The following CHD7 variants were observed in gnomAD, a reference collection of about 807,000 sequenced individuals.
The protein encoded by CHD7 is chromodomain helicase DNA binding protein 7.
CHD7 carries 24 observed loss-of-function variants against 307.3 expected under a neutral mutation model. The ratio of observed to expected loss-of-function variants is 0.08; its 90% CI spans 0.06 to 0.11. The LOEUF (loss-of-function observed/expected upper bound fraction) is 0.11, where lower values mean the gene tolerates loss of function less well. CHD7 is among the 10% of genes least tolerant of loss of function. The pLI, the probability that CHD7 is intolerant of heterozygous loss-of-function variation, is 1.00. For missense variants in CHD7, 3,106 were observed against 3,727.1 expected, an observed-to-expected ratio of 0.83 and a Z score of 4.34; for synonymous variants, 1,363 against 1,349.9, an observed-to-expected ratio of 1.01 and a Z score of -0.21.
At chr8:60,817,039 T>A (rs1000679266) in intron 8 of CHD7, among the ~76,000 whole-genome samples, 4 of 152,194 alleles carry the variant, frequency 2.6e-5, no homozygotes, top group Admixed American at 1.3e-4. Context: ...AGTACAGCAA[T>A]ACCTAGGGCA....
intron 1 of CHD7, among the ~76,000 whole-genome samples, chr8:60,706,913 G>A (rs182802835): frequency 5.9e-5 from 9 of 152,062 alleles, no homozygotes; most frequent in South Asian, 2.1e-4. Flanking sequence ...TTGGTGTGCC[G>A]CACCCATTAA....
chr8:60,719,310 A>G (rs1807778640), intron 1 of CHD7, among the ~76,000 whole-genome samples: 1 of 152,236 alleles, frequency 6.6e-6, no homozygotes, highest in African/African-American at 2.4e-5. Flanking sequence ...ATATTTTGTA[A>G]AGTTCCAGAG....
intron 19 of CHD7, among the ~76,000 whole-genome samples, chr8:60,839,786 T>C (rs1326374747): frequency 1.3e-5 from 2 of 152,250 alleles, no homozygotes; most frequent in African/African-American, 4.8e-5. Context: ...TTGAGTTTCT[T>C]TTTATTAATG....
At chr8:60,855,057 C>G (rs962659247) in intron 32 of CHD7, 1 of 152,094 alleles carries the variant, frequency 6.6e-6, no homozygotes, top group African/African-American at 2.4e-5. Context: ...TATAATAATT[C>G]CCTGTGTAAT....
intron 2 of CHD7, among the ~76,000 whole-genome samples, chr8:60,771,680 T>TC (rs368924739): frequency 0.78 from 118,234 of 151,972 alleles, 46,273 homozygotes; most frequent in East Asian, 0.94. Flanking sequence ...TGGGGAGTCT[T>TC]GACTGGGGAG....
intron 2 of CHD7, among the ~76,000 whole-genome samples, chr8:60,777,384 G>A (rs139094792): frequency 4.5e-4 from 68 of 152,304 alleles, no homozygotes; most frequent in African/African-American, 1.6e-3. Context: ...AACAGGCTGA[G>A]GCTTCAGCAG....
chr8:60,724,178 C>G (rs2150549739), intron 1 of CHD7, among the ~76,000 whole-genome samples: 1 of 152,342 alleles, frequency 6.6e-6, no homozygotes, highest in Non-Finnish European at 1.5e-5. Context: ...CACAGCCTTC[C>G]TGTCCCTTTC....
Position 60,742,143 on chromosome 8 carries a change from C to A in CHD7, c.711C>A (p.His237Gln). The change falls in exon 2 of 38, where the codon CAC becomes CAA. Residue 237 changes from histidine to glutamine, a missense_variant. By Grantham distance (24) the His-to-Gln change is conservative. Transcript: ENST00000423902. The stretch of plus-strand genomic sequence containing the variant: ...CCTCAGGACCTGGCCACTTGTCCCA[C>A]GTGCCCCAGCAGAGTCCCAGCATGG... ...IATSGPGHLS[H>Q]VPQQSPSMAP... 6.2e-7 allele frequency: 1 copy of A among 1,613,938 alleles called. No individual in the cohort carries two copies. Among genetic ancestry groups the A allele is most frequent in the Non-Finnish European group, 8.5e-7 (1 of 1,179,856 alleles).
chr8:60,759,990 C>T (rs1347215179), intron 2 of CHD7, among the ~76,000 whole-genome samples: 2 of 152,088 alleles, frequency 1.3e-5, no homozygotes, highest in African/African-American at 4.8e-5. Context: ...AGCTGTGGCT[C>T]CCACTGAGTG....
intron 15 of CHD7, among the ~76,000 whole-genome samples, chr8:60,832,526 G>A (rs995185089): frequency 6.6e-6 from 1 of 152,184 alleles, no homozygotes; most frequent in Non-Finnish European, 1.5e-5. Context: ...GGACACGTGT[G>A]TGCATGCACT....
At chr8:60,690,508 G>A (rs1312332892) in intron 1 of CHD7, among the ~76,000 whole-genome samples, 2 of 152,174 alleles carry the variant, frequency 1.3e-5, no homozygotes, top group African/African-American at 4.8e-5. Context: ...CTGGGCTGGT[G>A]TATGAAGCAA....
At chr8:60,716,284 G>T (rs1445979220) in intron 1 of CHD7, among the ~76,000 whole-genome samples, 1 of 152,192 alleles carries the variant, frequency 6.6e-6, no homozygotes, top group Non-Finnish European at 1.5e-5. Context: ...ATCTCTCAGA[G>T]CCAGAGCTGG....
At position 60,865,872 on chromosome 8, in the gene CHD7, G is replaced by A. The variant is rs1392645019; in HGVS notation, c.8933G>A (p.Gly2978Asp). The A allele has an allele frequency of 6.2e-7, 1 of 1,612,076 alleles. No individual in the cohort carries two copies. The highest frequency in any genetic ancestry group is 1.3e-5 in the African/African-American group (1 of 75,040). ...CTCTTAGAAGACGAAATAGCACAGG[G>A]TGAAGAGCTAGACTCACTTGATGGG... ...SSLLEDEIAQ[G>D]EELDSLDGGD... The change falls in exon 38 of 38, where the codon GGT becomes GAT. Residue 2978 changes from glycine to aspartate, a missense_variant. Coordinates refer to ENST00000423902, the MANE Select transcript of CHD7 (RefSeq NM_017780.4). The surrounding 1 kb of genome is among the most constrained non-coding windows in gnomAD (Gnocchi z 4.3).
rs142239855 is a variant in CHD7, at chr8:60,729,060, C to T, written c.-174-12199C>T. 7.3e-3 allele frequency among the ~76,000 whole-genome samples: 1,114 copies of T among 152,294 alleles called. 9 individuals are homozygous for T. The highest frequency in any genetic ancestry group is 0.012 in the Non-Finnish European group (819 of 68,014). ...ATACATGATTCTGAAAGGTTAAAAG[C>T]TACTAAATAACCAGTTTGTATGTAG... is the stretch of plus-strand genomic sequence containing the variant. On this transcript the variant is annotated intron_variant, in intron 1 of 37. Coordinates refer to ENST00000423902, the MANE Select transcript of CHD7 (RefSeq NM_017780.4).
intron 2 of CHD7, among the ~76,000 whole-genome samples, chr8:60,764,299 A>G (rs1039867312): frequency 2.0e-5 from 3 of 152,150 alleles, no homozygotes; most frequent in African/African-American, 7.2e-5. Flanking sequence ...TGACAGAAAT[A>G]TTTCACAGTT....
intron 2 of CHD7, among the ~76,000 whole-genome samples, chr8:60,774,625 A>G (rs1424778735): frequency 6.6e-6 from 1 of 152,204 alleles, no homozygotes; most frequent in Non-Finnish European, 1.5e-5. Context: ...ACAACTGGTC[A>G]GAGTCATGTT....
chr8:60,860,962 A>G lies in CHD7; in HGVS notation c.7667A>G (p.Asn2556Ser). The change falls in exon 35 of 38, where the codon AAC becomes AGC. Residue 2556 changes from asparagine (N) to serine (S), a missense_variant. By Grantham distance (46) the Asn-to-Ser change is conservative (BLOSUM62 1). This residue lies in a region of CHD7 where 1,030 missense variants were observed against 1,165.4 expected (regional missense o/e 0.88). Coordinates refer to ENST00000423902, the MANE Select transcript of CHD7 (RefSeq NM_017780.4). Reference sequence around the variant, plus strand: ...GATATAGAGACCCCACCAACAAGAAACATTCCTTCTCCCGGACAGCTGGAC... The same window carrying G: ...GATATAGAGACCCCACCAACAAGAAGCATTCCTTCTCCCGGACAGCTGGAC... ...EEDIETPPTR[N>S]IPSPGQLDPD... is the part of the protein sequence containing the mutation. 6.2e-7 allele frequency: 1 copy of G among 1,614,004 alleles called. No individual in the cohort carries two copies. The highest frequency in any genetic ancestry group is 1.3e-5 in the African/African-American group (1 of 75,016).
chr8:60,742,012 G>A lies in CHD7; in HGVS notation c.580G>A (p.Ala194Thr), dbSNP rs1480884503. 6.2e-7 allele frequency: 1 copy of A among 1,613,754 alleles called. No homozygotes were observed. The stretch of plus-strand genomic sequence containing the variant: ...CATGCAGCAGATGGGCAGCTATATG[G>A]CACGTGGGGATTTTTCCATGCAGCA... ...QHMQQMGSYM[A>T]RGDFSMQQHG... Residue 194 changes from alanine (A) to threonine (T), a missense_variant, in exon 2 of 38, where the codon GCA becomes ACA. Around this residue, in one of 10 missense-constraint regions of CHD7, gnomAD observed 998 missense variants for 1,004.5 expected, o/e 0.99. Coordinates refer to ENST00000423902, the MANE Select transcript of CHD7 (RefSeq NM_017780.4).
intron 1 of CHD7, among the ~76,000 whole-genome samples, chr8:60,716,610 C>T (rs1411781789): frequency 6.6e-6 from 1 of 152,240 alleles, no homozygotes; most frequent in Non-Finnish European, 1.5e-5. Context: ...GCACCTCCTT[C>T]CTCCAACCGG....
Sources: allele counts gnomAD v4.1 joint callset (sites outside exome capture counted in the v4.1 genomes callset), GRCh38; gene constraint gnomAD v4.1.1; regional missense constraint gnomAD v4.1.1; non-coding constraint Gnocchi (gnomAD v3.1); transcripts MANE v1.5; gene names NCBI Gene and HGNC (gene_info 2026-07-23, HGNC 2026-07-21).